The following DLG2 variants were observed in gnomAD, a reference collection of about 807,000 sequenced individuals.
The protein encoded by DLG2 is discs large MAGUK scaffold protein 2.
DLG2 carries 45 observed loss-of-function variants against 132.5 expected under a neutral mutation model. The observed-to-expected ratio is 0.34, with a 90% CI of 0.27 to 0.44. DLG2 has a LOEUF of 0.44. Ranked by LOEUF, DLG2 falls within the 20% of genes least tolerant of loss-of-function variation. DLG2 has a pLI of 1.00. For synonymous variants in DLG2, 424 were observed against 419.6 expected (o/e 1.01, Z -0.13); for missense variants, 1,045 against 1,196.9 (o/e 0.87, Z 1.87).
intron 6 of DLG2, among the ~76,000 whole-genome samples, chr11:84,574,705 T>C (rs1013331700): frequency 3.3e-5 from 5 of 152,184 alleles, no homozygotes; most frequent in Non-Finnish European, 7.4e-5. Context: ...TTCCACATTT[T>C]CTGACCATTG....
intron 7 of DLG2, among the ~76,000 whole-genome samples, chr11:84,367,052 A>T (rs565817765): frequency 4.9e-4 from 74 of 152,232 alleles, no homozygotes; most frequent in Middle Eastern, 6.8e-3. Flanking sequence ...AAAATTGACC[A>T]CATAGTTGGA....
chr11:83,597,533 A>C (rs1319061642), intron 19 of DLG2, among the ~76,000 whole-genome samples: 1 of 152,162 alleles, frequency 6.6e-6, no homozygotes, highest in African/African-American at 2.4e-5. Context: ...AAATTAAATA[A>C]ATAAATAAAC....
intron 6 of DLG2, among the ~76,000 whole-genome samples, chr11:85,065,418 C>G (rs547660660): frequency 8.4e-4 from 127 of 151,600 alleles, no homozygotes; most frequent in Admixed American, 4.0e-3. Context: ...TAAGAGTCTT[C>G]ATCATTTCAC....
In DLG2 at chr11:83,458,055, G is replaced by T. The variant is rs1035293271; in HGVS notation, c.*1763C>A. 6.6e-6 allele frequency: 1 copy of T among 152,582 alleles called. No homozygotes were observed. The highest frequency in any genetic ancestry group is 2.4e-5 in the African/African-American group (1 of 41,420). The allele number at this position is 152,582 out of a possible 1,614,324, so 9.5% of individuals were successfully genotyped here. On this transcript the variant is annotated 3_prime_UTR_variant, in exon 28 of 28. Coordinates refer to ENST00000376104, the MANE Select transcript of DLG2 (RefSeq NM_001142699.3). ...GTGAAGAAGCCCCATCACTCTGATGGCTCTATCTCTTGCTCTCCTACCCAG... is the reference window on the plus strand; with the variant it reads ...GTGAAGAAGCCCCATCACTCTGATGTCTCTATCTCTTGCTCTCCTACCCAG...
intron 5 of DLG2, among the ~76,000 whole-genome samples, chr11:85,133,820 T>A (rs981964359): frequency 1.3e-5 from 2 of 152,184 alleles, no homozygotes; most frequent in African/African-American, 4.8e-5. Flanking sequence ...GCCAAATGAT[T>A]AGCACTCTCC....
In DLG2 at chr11:84,153,398, G is replaced by A. The variant is rs113584915; in HGVS notation, c.624+10063C>T. 5.1e-3 allele frequency among the ~76,000 whole-genome samples: 772 copies of A among 152,186 alleles called. 9 individuals are homozygous for A. The highest frequency in any genetic ancestry group is 0.01 in the African/African-American group (416 of 41,514). Reference sequence around the variant, plus strand: ...GCCTGTCAACCTCTCTAGTGAAACTGGGGACATGTTCATGAATTATATCCT... The same window carrying A: ...GCCTGTCAACCTCTCTAGTGAAACTAGGGACATGTTCATGAATTATATCCT... On this transcript the variant is annotated intron_variant, in intron 9 of 27. Coordinates refer to ENST00000376104, the MANE Select transcript of DLG2 (RefSeq NM_001142699.3).
intron 7 of DLG2, among the ~76,000 whole-genome samples, chr11:84,327,924 A>C (rs368886101): frequency 6.6e-6 from 1 of 152,200 alleles, no homozygotes; most frequent in Admixed American, 6.5e-5. Context: ...TTGAAAGTTA[A>C]TTTATTCAAT....
At chr11:84,039,255 C>G (rs1201458449) in intron 11 of DLG2, among the ~76,000 whole-genome samples, 1 of 150,336 alleles carries the variant, frequency 6.7e-6, no homozygotes, top group East Asian at 2.0e-4. Flanking sequence ...ATTTAGGGTA[C>G]ATGTGCACAT....
At chr11:84,161,255 G>C (rs1319770317) in intron 9 of DLG2, among the ~76,000 whole-genome samples, 1 of 152,018 alleles carries the variant, frequency 6.6e-6, no homozygotes, top group Non-Finnish European at 1.5e-5. Context: ...TGAGGGACCA[G>C]GTAATACATG....
chr11:83,976,441 C>G (rs2092230402), intron 12 of DLG2, among the ~76,000 whole-genome samples: 1 of 151,710 alleles, frequency 6.6e-6, no homozygotes, highest in Non-Finnish European at 1.5e-5. Context: ...TTTGTCCTTC[C>G]TTTGTGGGAG....
chr11:84,668,506 A>C (rs1319687918), intron 6 of DLG2, among the ~76,000 whole-genome samples: 1 of 152,208 alleles, frequency 6.6e-6, no homozygotes, highest in Non-Finnish European at 1.5e-5. Context: ...CTTTCTGATA[A>C]AACTAAATTG....
chr11:84,302,653 ATAAT>A (rs1014135910), intron 7 of DLG2, among the ~76,000 whole-genome samples: 13 of 152,244 alleles, frequency 8.5e-5, no homozygotes, highest in Non-Finnish European at 1.8e-4. Context: ...TTTTTTAAAA[ATAAT>A]TAATTCATAC....
intron 18 of DLG2, among the ~76,000 whole-genome samples, chr11:83,661,262 T>G (rs2074194475): frequency 6.6e-6 from 1 of 152,180 alleles, no homozygotes; most frequent in African/African-American, 2.4e-5. Flanking sequence ...GTGCTTAAAT[T>G]CAGGATCTAT....
At chr11:85,566,318 C>T (rs2077522728) in intron 3 of DLG2, among the ~76,000 whole-genome samples, 3 of 152,074 alleles carry the variant, frequency 2.0e-5, no homozygotes, top group Admixed American at 2.0e-4. Context: ...TCCTTTGAAG[C>T]ACAAATGGTG....
intron 7 of DLG2, among the ~76,000 whole-genome samples, chr11:84,263,665 C>G (rs1437023828): frequency 6.6e-6 from 1 of 152,070 alleles, no homozygotes; most frequent in East Asian, 1.9e-4. Flanking sequence ...AAAAAAATCC[C>G]TCTGCCTTCA....
chr11:83,947,907 G>T (rs998062271), intron 14 of DLG2, among the ~76,000 whole-genome samples: 8 of 151,942 alleles, frequency 5.3e-5, no homozygotes, highest in African/African-American at 1.5e-4. Flanking sequence ...ATCATCTCAG[G>T]TTCCAAATCT....
intron 3 of DLG2, among the ~76,000 whole-genome samples, chr11:85,470,632 G>A (rs1597638032): frequency 6.6e-6 from 1 of 152,122 alleles, no homozygotes; most frequent in East Asian, 1.9e-4. Flanking sequence ...TGAGGCTGAG[G>A]CATGAGAATC....
intron 6 of DLG2, among the ~76,000 whole-genome samples, chr11:84,644,858 A>G (rs114828557): frequency 0.022 from 3,376 of 152,210 alleles, 141 homozygotes; most frequent in African/African-American, 0.077. Context: ...CTGACATAGG[A>G]TAAGTCAAAG....
chr11:85,054,806 A>G (rs2154155754), intron 6 of DLG2, among the ~76,000 whole-genome samples: 1 of 152,296 alleles, frequency 6.6e-6, no homozygotes, highest in South Asian at 2.1e-4. Flanking sequence ...AGTGGGAGCT[A>G]AAGACTGGGC....
Sources: gnomAD v4.1 joint callset for allele counts (sites outside exome capture counted in the v4.1 genomes callset) on GRCh38, gnomAD v4.1.1 for gene constraint, MANE v1.5 for transcripts, NCBI Gene and HGNC (gene_info 2026-07-23, HGNC 2026-07-21) for gene names.